The following SAMSN1 variants were observed in gnomAD, a reference collection of about 807,000 sequenced individuals.
SAMSN1 encodes SAM domain, SH3 domain and nuclear localization signals 1, also known as SAM domain-containing protein SAMSN-1.
SAMSN1 carries 31 observed loss-of-function variants against 42.0 expected under a neutral mutation model. The ratio of observed to expected loss-of-function variants is 0.74; its 90% confidence interval spans 0.55 to 1.00. The LOEUF is 1.00. SAMSN1 is among the 50% of genes least tolerant of loss of function. The pLI is 0.00. For missense variants in SAMSN1, 464 were observed against 439.4 expected (o/e 1.06, Z -0.50); for synonymous variants, 178 against 151.9 (o/e 1.17, Z -1.26).
intron 2 of SAMSN1, among the ~76,000 whole-genome samples, chr21:14,558,100 G>A (rs1213148640): frequency 6.6e-6 from 1 of 152,106 alleles, no homozygotes; most frequent in Non-Finnish European, 1.5e-5. Context: ...GTTTATTTTG[G>A]TTACTGGAAG....
rs562066900 is a variant in SAMSN1 at position 14,619,793 on chromosome 21, T to A, written c.157-3777A>T. The A allele has an allele frequency of 9.4e-5, 18 of 190,642 alleles. No homozygotes were observed. The South Asian group carries it at 1.3e-3, about 14-fold the overall frequency. The allele number at this position is 190,642 out of a possible 1,614,324, so 11.8% of individuals were successfully genotyped here. A position where few individuals can be genotyped will look rare whatever the true frequency, so the allele number is the denominator to read the frequency against. On this transcript the variant is annotated intron_variant, in intron 2 of 15. Transcript: ENST00000647101. ...AACTCAGAGAAAAGTGTATTTTTTT[T>A]AATTGCCGTGTAGAAATATGATTGG...
intron 7 of SAMSN1, chr21:14,591,241 G>A (rs1002124221): frequency 6.6e-6 from 1 of 152,110 alleles, no homozygotes. Flanking sequence ...TCAAATAAAT[G>A]AGTAATTGAA....
intron 5 of SAMSN1, among the ~76,000 whole-genome samples, chr21:14,605,831 TA>T (rs1217346361): frequency 1.3e-5 from 2 of 150,222 alleles, no homozygotes; most frequent in African/African-American, 4.9e-5. Context: ...TTTATTTATT[TA>T]TTTATTTATT....
chr21:14,497,753 G>A (rs114415746), intron 7 of SAMSN1, among the ~76,000 whole-genome samples: 3 of 152,172 alleles, frequency 2.0e-5, no homozygotes, highest in African/African-American at 4.8e-5. Context: ...AAACCCTAAC[G>A]TCAGTGTTTG....
intron 5 of SAMSN1, among the ~76,000 whole-genome samples, chr21:14,603,896 T>C (rs998957144): frequency 6.6e-6 from 1 of 152,206 alleles, no homozygotes; most frequent in African/African-American, 2.4e-5. Flanking sequence ...GGGTCCTGGA[T>C]TGGAAATTTC....
At chr21:14,633,794 A>G (rs1983391613) in intron 2 of SAMSN1, among the ~76,000 whole-genome samples, 1 of 152,220 alleles carries the variant, frequency 6.6e-6, no homozygotes, top group African/African-American at 2.4e-5. Flanking sequence ...GCCTTTGGCT[A>G]TGAAATAGAA....
At chr21:14,587,581 C>T (rs1981955172), upstream of SAMSN1, among the ~76,000 whole-genome samples, 1 of 152,060 alleles carries the variant, frequency 6.6e-6, no homozygotes, top group Non-Finnish European at 1.5e-5. Context: ...GATATCACCA[C>T]CATTCTCTTC....
At chr21:14,577,101 G>C (rs1429511500) in intron 2 of SAMSN1, among the ~76,000 whole-genome samples, 5 of 123,850 alleles carry the variant, frequency 4.0e-5, no homozygotes, top group African/African-American at 1.3e-4. Context: ...TGTCTCTCAG[G>C]CTGGAGTGCA....
At position 14,510,437 on chromosome 21, in the gene SAMSN1, CCATCTGAA is replaced by C; in HGVS notation, c.426_433del (p.Cys142TrpfsTer4). The C allele has an allele frequency of 1.2e-6, 2 of 1,614,158 alleles. No homozygotes were observed. Among genetic ancestry groups the C allele is most frequent in the Non-Finnish European group, 1.7e-6 (2 of 1,180,014 alleles). ...TCGAAAGCTGTCCCGGTTACTTGTA[CCATCTGAA>C]CAGCTTGTTATGCCACCTGATGAAA... On this transcript the variant is annotated frameshift_variant, in exon 5 of 8. Transcript: ENST00000400566. LOFTEE classifies it high-confidence loss of function.
Position 14,511,468 on chromosome 21 carries a change from GC to G in SAMSN1, c.409+975del, listed in dbSNP as rs1209781911. Among the ~76,000 whole-genome samples, 3 of 152,188 alleles carry G rather than the reference GC, an allele frequency of 2.0e-5. No homozygotes were observed. The East Asian group carries it at 5.8e-4, about 29-fold the overall frequency. Reference sequence around the variant, plus strand: ...CTAATGAGATCTGAATTTCATACATGCAAAAAACATCCTTTAAATGTTTCTG... The same window carrying G: ...CTAATGAGATCTGAATTTCATACATGAAAAAACATCCTTTAAATGTTTCTG... On this transcript the variant is annotated intron_variant, in intron 4 of 7. Coordinates refer to ENST00000400566, the MANE Select transcript of SAMSN1 (RefSeq NM_022136.5).
intron 7 of SAMSN1, among the ~76,000 whole-genome samples, chr21:14,489,192 A>C (rs564386517): frequency 3.0e-4 from 45 of 152,282 alleles, no homozygotes; most frequent in Non-Finnish European, 5.4e-4. Flanking sequence ...AACCTTCATC[A>C]GTTTTGTCCC....
chr21:14,573,819 T>C (rs1469863300), intron 2 of SAMSN1, among the ~76,000 whole-genome samples: 1 of 152,144 alleles, frequency 6.6e-6, no homozygotes. Context: ...TCCAAAGAGA[T>C]CCTACTATGA....
At chr21:14,574,225 T>A (rs1160645454) in intron 2 of SAMSN1, among the ~76,000 whole-genome samples, 1 of 152,202 alleles carries the variant, frequency 6.6e-6, no homozygotes, top group East Asian at 1.9e-4. Context: ...GTCTTCCTCC[T>A]TCTATTTGAG....
intron 5 of SAMSN1, among the ~76,000 whole-genome samples, chr21:14,607,247 T>C (rs1198987531): frequency 6.6e-6 from 1 of 152,190 alleles, no homozygotes; most frequent in Non-Finnish European, 1.5e-5. Context: ...TACTCTTAAG[T>C]AGTTATGCAA....
upstream of SAMSN1, among the ~76,000 whole-genome samples, chr21:14,550,697 T>A (rs1277923836): frequency 6.6e-6 from 1 of 151,948 alleles, no homozygotes; most frequent in African/African-American, 2.4e-5. Flanking sequence ...TCTAAATAAT[T>A]AGGAAGGTTA....
chr21:14,539,691 T>C (rs1979876113), intron 1 of SAMSN1, among the ~76,000 whole-genome samples: 1 of 152,058 alleles, frequency 6.6e-6, no homozygotes, highest in Non-Finnish European at 1.5e-5. Context: ...GTGGGAAGAA[T>C]CAATATCGTG....
intron 1 of SAMSN1, among the ~76,000 whole-genome samples, chr21:14,648,000 C>T (rs1249217447): frequency 1.3e-5 from 2 of 149,940 alleles, no homozygotes; most frequent in East Asian, 3.9e-4. Context: ...CCTAATTGCC[C>T]TGGCCAGAAC....
At chr21:14,534,646 G>C (rs1203080709) in intron 1 of SAMSN1, among the ~76,000 whole-genome samples, 2 of 151,974 alleles carry the variant, frequency 1.3e-5, no homozygotes, top group Non-Finnish European at 2.9e-5. Context: ...CTCCCAAGTA[G>C]CTGGGATTAC....
At chr21:14,616,267 C>T (rs1210874609) in intron 2 of SAMSN1, among the ~76,000 whole-genome samples, 1 of 151,790 alleles carries the variant, frequency 6.6e-6, no homozygotes, top group Non-Finnish European at 1.5e-5. Context: ...TAGGATATTT[C>T]CTTTATTAAC....
Sources: gnomAD v4.1 joint callset for allele counts (sites outside exome capture counted in the v4.1 genomes callset) on GRCh38, gnomAD v4.1.1 for gene constraint, MANE v1.5 for transcripts, NCBI Gene and HGNC (gene_info 2026-07-23, HGNC 2026-07-21) for gene names.